The following CSMD1 variants were observed in gnomAD, a reference collection of about 807,000 sequenced individuals.
CSMD1 encodes the protein CUB and Sushi multiple domains 1, also known as CUB and sushi domain-containing protein 1.
A neutral mutation model predicts 417.5 loss-of-function variants in CSMD1; 213 were observed. That is an observed-to-expected ratio of 0.51 (90% CI 0.46 to 0.57). The LOEUF is 0.57. CSMD1 is among the 20% of genes least tolerant of loss of function. The pLI, the probability that CSMD1 is intolerant of heterozygous loss-of-function variation, is 0.00. For synonymous variants in CSMD1, 2,862 were observed against 1,736.8 expected, an observed-to-expected ratio of 1.65 and a Z score of -16.11; for missense variants, 6,923 against 4,529.7, an observed-to-expected ratio of 1.53 and a Z score of -15.17.
intron 3 of CSMD1, among the ~76,000 whole-genome samples, chr8:4,200,281 G>T (rs551774047): frequency 1.3e-5 from 2 of 152,014 alleles, no homozygotes; most frequent in Admixed American, 1.3e-4. Context: ...TTTTTCAGAG[G>T]ATAATTTTTT....
At chr8:4,277,592 A>G (rs1330447553) in intron 3 of CSMD1, among the ~76,000 whole-genome samples, 1 of 152,170 alleles carries the variant, frequency 6.6e-6, no homozygotes, top group Non-Finnish European at 1.5e-5. Context: ...TGAAAACAGC[A>G]AGTTCACTAT....
Position 4,976,174 on chromosome 8 carries a change from G to A in CSMD1, c.85+18158C>T, listed in dbSNP as rs1026745289. The stretch of plus-strand genomic sequence containing the variant: ...AATCCTAGAGGGAGCAGAGAGACAA[G>A]GGCTGAAAAACCATCTATTGGACCC... On this transcript the variant is annotated intron_variant, in intron 1 of 69. Transcript: ENST00000635120. 4.6e-5 allele frequency among the ~76,000 whole-genome samples: 7 copies of A among 152,240 alleles called. No homozygotes were observed. In the East Asian group the frequency reaches 9.6e-4, roughly 21 times the overall value.
intron 1 of CSMD1, among the ~76,000 whole-genome samples, chr8:4,898,823 A>G (rs1585287465): frequency 6.6e-6 from 1 of 152,282 alleles, no homozygotes; most frequent in South Asian, 2.1e-4. Context: ...CTATTAATCA[A>G]AAGTTGTGGC....
At chr8:3,590,232 T>C (rs1004059990) in intron 8 of CSMD1, among the ~76,000 whole-genome samples, 3 of 152,160 alleles carry the variant, frequency 2.0e-5, no homozygotes, top group African/African-American at 7.2e-5. Flanking sequence ...TTTTGAGCGG[T>C]AGTATCACAA....
At position 3,856,192 on chromosome 8, in the gene CSMD1, C is replaced by T. The variant is rs557572619; in HGVS notation, c.819-102150G>A. Among the ~76,000 whole-genome samples, 6 of 152,124 alleles carry T rather than the reference C, an allele frequency of 3.9e-5. No homozygotes were observed. In the East Asian group the frequency reaches 9.7e-4, roughly 25 times the overall value. ...ATGGTTTAGCACCATCCTCCCAGTG[C>T]TGTTCTCATGATAGAGTTCTCATAA... On this transcript the variant is annotated intron_variant, in intron 5 of 69. Transcript: ENST00000635120.
intron 2 of CSMD1, among the ~76,000 whole-genome samples, chr8:4,482,711 A>T (rs1801164849): frequency 6.6e-6 from 1 of 152,204 alleles, no homozygotes; most frequent in Non-Finnish European, 1.5e-5. Flanking sequence ...CACTCCCACC[A>T]ACAGTGTAAA....
chr8:4,604,567 C>G (rs1800770324), intron 2 of CSMD1, among the ~76,000 whole-genome samples: 1 of 151,988 alleles, frequency 6.6e-6, no homozygotes, highest in Non-Finnish European at 1.5e-5. Flanking sequence ...TTCTAAATCT[C>G]TAATTTGTCA....
chr8:3,188,099 T>TAC (rs1796178378), intron 35 of CSMD1, 134 bp from the exon 36 acceptor site: 2 of 298,574 alleles, frequency 6.7e-6, no homozygotes, highest in African/African-American at 2.2e-5. Context: ...TATATATATA[T>TAC]ACATATACAC....
At position 4,936,041 on chromosome 8, in the gene CSMD1, G is replaced by C. The variant is rs139695541; in HGVS notation, c.85+58291C>G. ...AAAGTGCAATGCATTAGGGAGTGAA[G>C]ACTTAATCAAAGAAACAGCAAAGGG... On this transcript the variant is annotated intron_variant, in intron 1 of 69. Transcript: ENST00000635120. Among the ~76,000 whole-genome samples, 958 of 152,292 alleles carry C rather than the reference G, an allele frequency of 6.3e-3. 4 individuals are homozygous for C. Among genetic ancestry groups the C allele is most frequent in the Non-Finnish European group, 0.01 (713 of 68,020 alleles).
intron 29 of CSMD1, among the ~76,000 whole-genome samples, chr8:3,216,337 C>G (rs903678398): frequency 6.6e-6 from 1 of 152,064 alleles, no homozygotes; most frequent in Non-Finnish European, 1.5e-5. Flanking sequence ...TTTATTTAAT[C>G]ATTCAACACA....
At position 4,297,093 on chromosome 8, in the gene CSMD1, C is replaced by CTA. The variant is rs1672131886; in HGVS notation, c.415+122859_415+122860insTA. On this transcript the variant is annotated intron_variant, in intron 3 of 69. Coordinates refer to ENST00000635120, the MANE Select transcript of CSMD1 (RefSeq NM_033225.6). Reference sequence around the variant, plus strand: ...AGATAGGTTGAAGAGCTTGGGGAGACTCTAGAGCATCGTAGGTGTAATACG... The same window carrying CTA: ...AGATAGGTTGAAGAGCTTGGGGAGACTATCTAGAGCATCGTAGGTGTAATACG... Among the ~76,000 whole-genome samples, 4 of 794 alleles carry CTA rather than the reference C, an allele frequency of 5.0e-3. No homozygotes were observed. In the South Asian group the frequency reaches 0.33, roughly 66 times the overall value. The allele number at this position is 794 out of a possible 152,430, so 0.5% of individuals were successfully genotyped here. A position where few individuals can be genotyped will look rare whatever the true frequency, so the allele number is the denominator to read the frequency against.
At chr8:4,125,653 G>C (rs185001913) in intron 3 of CSMD1, among the ~76,000 whole-genome samples, 76 of 152,284 alleles carry the variant, frequency 5.0e-4, no homozygotes, top group African/African-American at 1.8e-3. Context: ...CCAACTCTAT[G>C]TTGCTTCTAA....
chr8:4,463,102 G>C (rs1585118859), intron 2 of CSMD1, among the ~76,000 whole-genome samples: 3 of 152,086 alleles, frequency 2.0e-5, no homozygotes, highest in Admixed American at 1.3e-4. Context: ...GCAATAAAAA[G>C]ACAAATTACC....
chr8:3,159,502 A>C (rs1215116830), intron 38 of CSMD1, among the ~76,000 whole-genome samples: 1 of 152,208 alleles, frequency 6.6e-6, no homozygotes, highest in Non-Finnish European at 1.5e-5. Flanking sequence ...GTATTTATAG[A>C]CACTCACGTG....
chr8:3,821,972 C>A (rs1801761622), intron 5 of CSMD1, among the ~76,000 whole-genome samples: 1 of 152,106 alleles, frequency 6.6e-6, no homozygotes, highest in African/African-American at 2.4e-5. Flanking sequence ...CTCATGTTTC[C>A]CTTCACATTC....
intron 1 of CSMD1, among the ~76,000 whole-genome samples, chr8:4,739,885 G>C (rs961677669): frequency 6.6e-6 from 1 of 152,012 alleles, no homozygotes; most frequent in African/African-American, 2.4e-5. Context: ...CTAAAACTCA[G>C]CATTGACAGC....
intron 5 of CSMD1, among the ~76,000 whole-genome samples, chr8:3,786,959 T>C (rs1799487528): frequency 6.6e-6 from 1 of 152,108 alleles, no homozygotes; most frequent in African/African-American, 2.4e-5. Context: ...ACACCGGCAT[T>C]CAATCCTCAT....
intron 31 of CSMD1, among the ~76,000 whole-genome samples, chr8:3,203,888 C>T (rs1797116025): frequency 6.6e-6 from 1 of 152,172 alleles, no homozygotes; most frequent in Non-Finnish European, 1.5e-5. Flanking sequence ...CTCTTCCTAC[C>T]TGGTAAGGAT....
rs547901644 is a variant in CSMD1 at position 3,904,762 on chromosome 8, A to G, written c.818+93141T>C. Among the ~76,000 whole-genome samples the G allele has an allele frequency of 6.0e-5, 9 of 150,830 alleles. No homozygotes were observed. In the South Asian group the frequency reaches 1.5e-3, roughly 25 times the overall value. On this transcript the variant is annotated intron_variant, in intron 5 of 69. Coordinates refer to ENST00000635120, the MANE Select transcript of CSMD1 (RefSeq NM_033225.6). ...AGTGATTCTCATACCTCAGCCTCCC[A>G]AGTAGCTGAGATTACAGGTGTGCAT...
Sources: allele counts gnomAD v4.1 joint callset (sites outside exome capture counted in the v4.1 genomes callset), GRCh38; gene constraint gnomAD v4.1.1; transcripts MANE v1.5; gene names NCBI Gene and HGNC (gene_info 2026-07-23, HGNC 2026-07-21).